Variants in ST7 observed in about 807,000 individuals in gnomAD.
The protein encoded by ST7 is suppression of tumorigenicity 7.
Under a neutral mutation model 78.7 loss-of-function variants are expected in ST7, and 28 were observed. The observed-to-expected ratio is 0.36, with a 90% confidence interval of 0.26 to 0.49. The LOEUF (loss-of-function observed/expected upper bound fraction) is 0.49. Ranked by LOEUF, ST7 falls within the 20% of genes least tolerant of loss-of-function variation. The pLI is 0.99. For synonymous variants in ST7, 247 were observed against 249.6 expected, an observed-to-expected ratio of 0.99 and a Z score of 0.10; for missense variants, 418 against 696.0, an observed-to-expected ratio of 0.60 and a Z score of 4.49.
chr7:117,105,124 T>C (rs1425726104), intron 2 of ST7, among the ~76,000 whole-genome samples: 4 of 152,186 alleles, frequency 2.6e-5, no homozygotes, highest in African/African-American at 9.7e-5. Flanking sequence ...TGTTCCACAA[T>C]GGAATGTTTT....
rs544635922 is a variant in ST7, at chr7:117,069,235, T to A, written c.152-30527T>A. Among the ~76,000 whole-genome samples, 53 of 152,368 alleles carry A rather than the reference T, an allele frequency of 3.5e-4. 1 individual carries two copies. The highest frequency in any genetic ancestry group is 2.6e-3 in the Admixed American group (40 of 15,294). On this transcript the variant is annotated intron_variant, in intron 1 of 15. Coordinates refer to ENST00000323984, the MANE Select transcript of ST7 (RefSeq NM_001369598.1). ...AAAACTTAGTGATCAAAGTATCATA[T>A]CCTTCCTCCCTTTGCAGAATTATTT... is the stretch of plus-strand genomic sequence containing the variant.
intron 9 of ST7, among the ~76,000 whole-genome samples, chr7:117,144,936 C>A (rs915015528): frequency 6.6e-6 from 1 of 152,108 alleles, no homozygotes; most frequent in African/African-American, 2.4e-5. Flanking sequence ...TGGTGGCTCA[C>A]GCCTGTAATC....
intron 10 of ST7, among the ~76,000 whole-genome samples, chr7:117,178,241 C>T (rs542763916): frequency 1.3e-5 from 2 of 152,082 alleles, no homozygotes; most frequent in Admixed American, 6.6e-5. Flanking sequence ...TGTTGAAGTA[C>T]GAACTTTTAG....
intron 15 of ST7, among the ~76,000 whole-genome samples, chr7:117,224,119 A>G (rs1793292381): frequency 6.6e-6 from 1 of 152,180 alleles, no homozygotes. Flanking sequence ...TATAAACATC[A>G]AAGCCCATTT....
intron 1 of ST7, among the ~76,000 whole-genome samples, chr7:117,059,884 G>A (rs961565922): frequency 1.3e-5 from 2 of 151,524 alleles, no homozygotes; most frequent in East Asian, 3.9e-4. Context: ...TTGGGAGGCT[G>A]AGGTGGGAGG....
intron 10 of ST7, among the ~76,000 whole-genome samples, chr7:117,183,179 A>G (rs1808925230): frequency 6.6e-6 from 1 of 152,002 alleles, no homozygotes; most frequent in Non-Finnish European, 1.5e-5. Context: ...TAATCCCAGC[A>G]TTTTGGGAGG....
intron 1 of ST7, among the ~76,000 whole-genome samples, chr7:116,987,579 A>G (rs1794240648): frequency 6.6e-6 from 1 of 152,116 alleles, no homozygotes; most frequent in African/African-American, 2.4e-5. Context: ...CCCTTCACTT[A>G]TATTGGCCAC....
chr7:117,000,565 G>A (rs962353845), intron 1 of ST7, among the ~76,000 whole-genome samples: 5 of 152,290 alleles, frequency 3.3e-5, no homozygotes, highest in African/African-American at 9.6e-5. Flanking sequence ...TAGAGGTTAG[G>A]CCTATATCCC....
intron 1 of ST7, among the ~76,000 whole-genome samples, chr7:117,074,229 A>G (rs1276132678): frequency 6.6e-6 from 1 of 152,088 alleles, no homozygotes; most frequent in Non-Finnish European, 1.5e-5. Flanking sequence ...TGTCTCTACT[A>G]AAAATACAAA....
intron 1 of ST7, among the ~76,000 whole-genome samples, chr7:117,050,705 T>C (rs1797741927): frequency 6.6e-6 from 1 of 151,730 alleles, no homozygotes; most frequent in South Asian, 2.1e-4. Flanking sequence ...CCGAGGCGAG[T>C]GGATCACGAG....
intron 15 of ST7, among the ~76,000 whole-genome samples, chr7:117,224,341 G>T (rs1209853367): frequency 6.6e-6 from 1 of 152,072 alleles, no homozygotes; most frequent in Non-Finnish European, 1.5e-5. Flanking sequence ...AGTCTTCTGT[G>T]CATGACATGA....
intron 9 of ST7, among the ~76,000 whole-genome samples, chr7:117,140,670 G>A (rs1326173074): frequency 2.0e-5 from 3 of 151,864 alleles, no homozygotes; most frequent in Non-Finnish European, 4.4e-5. Flanking sequence ...ACATATTTAT[G>A]CATGTTTGTA....
chr7:117,028,555 G>A (rs954021908), intron 1 of ST7, among the ~76,000 whole-genome samples: 8 of 152,132 alleles, frequency 5.3e-5, no homozygotes, highest in Non-Finnish European at 8.8e-5. Flanking sequence ...GTCCAAGCCC[G>A]GACTTGTCTC....
intron 1 of ST7, among the ~76,000 whole-genome samples, chr7:116,960,620 AT>A (rs1314623022): frequency 1.3e-5 from 2 of 152,116 alleles, no homozygotes; most frequent in Non-Finnish European, 2.9e-5. Context: ...CTCACAGACA[AT>A]TTTTTTCCAC....
chr7:117,154,351 G>A (rs1806520892), intron 9 of ST7, among the ~76,000 whole-genome samples: 1 of 152,214 alleles, frequency 6.6e-6, no homozygotes, highest in Non-Finnish European at 1.5e-5. Flanking sequence ...AGAACTGTGA[G>A]AAATAGATTT....
chr7:117,163,588 T>C (rs183357911), intron 9 of ST7, among the ~76,000 whole-genome samples: 1 of 152,328 alleles, frequency 6.6e-6, no homozygotes, highest in Admixed American at 6.5e-5. Context: ...CATTTGTATG[T>C]CTTCTTTTGA....
chr7:117,207,039 G>A lies in ST7; in HGVS notation c.1255-2748G>A, dbSNP rs190982677. Among the ~76,000 whole-genome samples, 33 of 152,206 alleles carry A rather than the reference G, an allele frequency of 2.2e-4. 1 individual carries two copies. The South Asian group carries it at 2.9e-3, about 13-fold the overall frequency. On this transcript the variant is annotated intron_variant, in intron 12 of 15. Coordinates refer to ENST00000323984, the MANE Select transcript of ST7 (RefSeq NM_001369598.1). ...ATAACCACATGCAGTAGAAACTGTCGTATTGAAAACGGATGGCACATATCT... is the reference window on the plus strand; with the variant it reads ...ATAACCACATGCAGTAGAAACTGTCATATTGAAAACGGATGGCACATATCT...
intron 3 of ST7, among the ~76,000 whole-genome samples, chr7:117,122,421 G>C (rs1195626413): frequency 6.6e-6 from 1 of 152,118 alleles, no homozygotes; most frequent in Non-Finnish European, 1.5e-5. Context: ...ATTCACTGAG[G>C]ATAACCTGTG....
chr7:117,018,323 C>T (rs1466529365), intron 1 of ST7, among the ~76,000 whole-genome samples: 1 of 152,132 alleles, frequency 6.6e-6, no homozygotes, highest in Non-Finnish European at 1.5e-5. Flanking sequence ...CCCTTTTGAA[C>T]TGTATTATCC....
Sources: gnomAD v4.1 joint callset for allele counts (sites outside exome capture counted in the v4.1 genomes callset) on GRCh38, gnomAD v4.1.1 for gene constraint, MANE v1.5 for transcripts, NCBI Gene and HGNC (gene_info 2026-07-23, HGNC 2026-07-21) for gene names.